The following DLGAP1 variants were observed in gnomAD, a reference collection of about 807,000 sequenced individuals.
DLGAP1 encodes the protein DLG associated protein 1, also known as disks large-associated protein 1.
In DLGAP1, 11 loss-of-function variants were observed where a neutral mutation model predicts 90.8. The observed-to-expected ratio is 0.12, with a 90% CI of 0.08 to 0.20. DLGAP1 has a LOEUF of 0.20. Among genes scored for constraint, DLGAP1 ranks in the 10% least tolerant of loss-of-function variants. The probability of loss-of-function intolerance (pLI) is 1.00; values close to 1 mark genes in which losing one functional copy is unlikely to be tolerated. For missense variants in DLGAP1, 1,050 were observed against 1,333.8 expected (o/e 0.79, Z 3.31); for synonymous variants, 558 against 540.7 (o/e 1.03, Z -0.44).
At chr18:4,340,174 TTAA>T (rs2081159906) in intron 1 of DLGAP1, among the ~76,000 whole-genome samples, 1 of 152,190 alleles carries the variant, frequency 6.6e-6, no homozygotes, top group Non-Finnish European at 1.5e-5. Flanking sequence ...TTGAATATTA[TTAA>T]TGACATATTA....
At chr18:3,505,716 C>T (rs953046596) in intron 11 of DLGAP1, among the ~76,000 whole-genome samples, 9 of 150,038 alleles carry the variant, frequency 6.0e-5, no homozygotes, top group Non-Finnish European at 1.2e-4. Context: ...GAAATCTAAA[C>T]GCTTTCAGCA....
chr18:3,848,114 C>T (rs1485232633), intron 4 of DLGAP1, among the ~76,000 whole-genome samples: 1 of 103,484 alleles, frequency 9.7e-6, no homozygotes, highest in African/African-American at 4.0e-5. Context: ...GATGATGGAG[C>T]AAGGCCCCGT....
intron 4 of DLGAP1, among the ~76,000 whole-genome samples, chr18:3,846,043 GGTGTGTGTGTGT>G (rs35460885): frequency 4.8e-5 from 7 of 145,128 alleles, no homozygotes; most frequent in East Asian, 2.1e-4. Context: ...TTGAAAGTGT[GGTGTGTGTGTGT>G]GTGTGTGTGT....
intron 4 of DLGAP1, among the ~76,000 whole-genome samples, chr18:3,862,159 G>A (rs141468767): frequency 6.6e-6 from 1 of 152,296 alleles, no homozygotes; most frequent in East Asian, 1.9e-4. Flanking sequence ...TTGGCCAAAG[G>A]CATAAGCAAT....
chr18:3,921,770 T>C (rs1049131299), intron 3 of DLGAP1, among the ~76,000 whole-genome samples: 9 of 152,192 alleles, frequency 5.9e-5, no homozygotes, highest in Non-Finnish European at 8.8e-5. Flanking sequence ...AGCTCTGCTA[T>C]GGAGGTAAGC....
chr18:4,026,284 A>T (rs554648124), intron 2 of DLGAP1, among the ~76,000 whole-genome samples: 1 of 152,356 alleles, frequency 6.6e-6, no homozygotes, highest in African/African-American at 2.4e-5. Context: ...TAAAAGGGTC[A>T]TACAGATGTC....
chr18:4,317,279 G>A (rs1182197328), intron 1 of DLGAP1, among the ~76,000 whole-genome samples: 2 of 151,966 alleles, frequency 1.3e-5, no homozygotes, highest in African/African-American at 2.4e-5. Context: ...CACATTCACC[G>A]GCTTATTTAA....
chr18:3,860,098 C>CA (rs1169488386), intron 4 of DLGAP1, among the ~76,000 whole-genome samples: 25 of 104,964 alleles, frequency 2.4e-4, no homozygotes, highest in African/African-American at 1.0e-3. Flanking sequence ...GACTCTGTCT[C>CA]AAAAAATAAA....
At chr18:3,684,283 G>A (rs912489428) in intron 7 of DLGAP1, among the ~76,000 whole-genome samples, 18 of 151,540 alleles carry the variant, frequency 1.2e-4, no homozygotes, top group East Asian at 1.2e-3. Context: ...TCATCCTCTC[G>A]GGCTCAAGCA....
At chr18:4,427,600 G>A (rs775673405) in intron 1 of DLGAP1, among the ~76,000 whole-genome samples, 8 of 152,244 alleles carry the variant, frequency 5.3e-5, no homozygotes, top group South Asian at 2.1e-4. Context: ...ATAGTAGAAC[G>A]CACTCAAAGA....
At chr18:4,425,236 C>A (rs905238133) in intron 1 of DLGAP1, among the ~76,000 whole-genome samples, 17 of 152,116 alleles carry the variant, frequency 1.1e-4, no homozygotes, top group African/African-American at 4.1e-4. Context: ...AGCAAAGCAA[C>A]ATACTTTACA....
rs2062315552 is a variant in DLGAP1 at position 3,729,187 on chromosome 18, C to A, written c.1539G>T (p.Ser513=). Residue 513 remains serine, a synonymous_variant, in exon 7 of 13, where the codon TCG becomes TCT. Coordinates refer to ENST00000315677, the MANE Select transcript of DLGAP1 (RefSeq NM_004746.4). The surrounding 1 kb of genome is among the most constrained non-coding windows in gnomAD (Gnocchi z 6.2). ...TGGTGGTGGTGCGCGGCGGCGAGGA[C>A]GACCTCAGGGACACGCACTCGTCGT... ...SQDDECVSLR[S]SSPPRTTTTV... is the part of the protein sequence containing the mutation. 6.2e-7 allele frequency: 1 copy of A among 1,613,630 alleles called. No homozygotes were observed. The highest frequency in any genetic ancestry group is 8.5e-7 in the Non-Finnish European group (1 of 1,179,846).
At chr18:4,326,865 A>G (rs1012606896) in intron 1 of DLGAP1, among the ~76,000 whole-genome samples, 5 of 152,066 alleles carry the variant, frequency 3.3e-5, no homozygotes, top group African/African-American at 1.2e-4. Context: ...GAAGCGTAGG[A>G]GAAGGGAGAG....
intron 2 of DLGAP1, among the ~76,000 whole-genome samples, chr18:4,027,997 T>A (rs2074731358): frequency 6.6e-6 from 1 of 152,178 alleles, no homozygotes; most frequent in African/African-American, 2.4e-5. Flanking sequence ...GTCACCTACC[T>A]CAACAGAAAA....
At chr18:4,143,865 C>T (rs2076536073) in intron 2 of DLGAP1, among the ~76,000 whole-genome samples, 1 of 152,152 alleles carries the variant, frequency 6.6e-6, no homozygotes, top group South Asian at 2.1e-4. Context: ...TCCTTCCCTT[C>T]AAGGCAGTGG....
At chr18:4,218,961 A>T (rs2078018342) in intron 1 of DLGAP1, among the ~76,000 whole-genome samples, 1 of 144,482 alleles carries the variant, frequency 6.9e-6, no homozygotes, top group Non-Finnish European at 1.5e-5. Context: ...TCTTTGATAT[A>T]TTTATTTCAT....
intron 1 of DLGAP1, among the ~76,000 whole-genome samples, chr18:4,436,511 G>C (rs1353278459): frequency 1.3e-5 from 2 of 151,850 alleles, no homozygotes; most frequent in Non-Finnish European, 2.9e-5. Flanking sequence ...ATTAGTCATC[G>C]GTTCTTATCC....
intron 7 of DLGAP1, among the ~76,000 whole-genome samples, chr18:3,634,240 CT>C (rs891485449): frequency 6.6e-6 from 1 of 151,770 alleles, no homozygotes; most frequent in African/African-American, 2.4e-5. Context: ...AATTTGTATA[CT>C]TTTTTTGCAT....
At chr18:3,907,097 C>T (rs527881268) in intron 3 of DLGAP1, among the ~76,000 whole-genome samples, 7 of 152,018 alleles carry the variant, frequency 4.6e-5, no homozygotes, top group South Asian at 4.1e-4. Flanking sequence ...TAATACTATA[C>T]GATTTTATAT....
Sources: gnomAD v4.1 joint callset for allele counts (sites outside exome capture counted in the v4.1 genomes callset) on GRCh38, gnomAD v4.1.1 for gene constraint, Gnocchi (gnomAD v3.1) non-coding constraint, MANE v1.5 for transcripts, NCBI Gene and HGNC (gene_info 2026-07-23, HGNC 2026-07-21) for gene names.